AKAP13: variants seen among roughly 807,000 people sequenced by gnomAD.
AKAP13 encodes A-kinase anchor protein 13.
Under a neutral mutation model 264.5 loss-of-function variants are expected in AKAP13, and 80 were observed. The observed-to-expected ratio is 0.30, with a 90% confidence interval of 0.25 to 0.36. AKAP13 has a LOEUF of 0.36. AKAP13 is among the 10% of genes least tolerant of loss of function. The pLI is 1.00. For missense variants in AKAP13, 3,712 were observed against 3,435.2 expected (o/e 1.08, Z -2.01); for synonymous variants, 1,380 against 1,250.2 (o/e 1.10, Z -2.19).
At chr15:85,553,191 A>G (rs2078025918) in intron 5 of AKAP13, among the ~76,000 whole-genome samples, 2 of 151,432 alleles carry the variant, frequency 1.3e-5, no homozygotes, top group South Asian at 4.2e-4. Flanking sequence ...GATGCAAACA[A>G]TTCTCCTGCC....
intron 4 of AKAP13, among the ~76,000 whole-genome samples, chr15:85,539,937 A>G (rs55844965): frequency 0.045 from 6,903 of 152,252 alleles, 506 homozygotes; most frequent in African/African-American, 0.16. Context: ...GATATTTCCC[A>G]TTTGCCCTTT....
intron 8 of AKAP13, among the ~76,000 whole-genome samples, chr15:85,587,123 T>G (rs992814894): frequency 6.6e-6 from 1 of 152,154 alleles, no homozygotes; most frequent in African/African-American, 2.4e-5. Context: ...ACATTATCAC[T>G]CTAAGAAGAA....
chr15:85,680,198 A>C (rs541734747), intron 14 of AKAP13, among the ~76,000 whole-genome samples: 1 of 152,272 alleles, frequency 6.6e-6, no homozygotes, highest in Non-Finnish European at 1.5e-5. Context: ...TAATTGCTTA[A>C]ATGTATAGTA....
rs765913514 is a variant in AKAP13 at position 85,735,542 on chromosome 15, A to C, written c.7442-18A>C. On this transcript the variant is annotated intron_variant, in intron 31 of 36. Transcript: ENST00000394518. Reference sequence around the variant, plus strand: ...TTTCACAACTTTAAAAAAAAAAACAACCCTATTTTTTGTTTAGGAGGCGAG... The same window carrying C: ...TTTCACAACTTTAAAAAAAAAAACACCCCTATTTTTTGTTTAGGAGGCGAG... 1.5e-4 allele frequency: 241 copies of C among 1,598,746 alleles called. 1 individual carries two copies. Among genetic ancestry groups the C allele is most frequent in the South Asian group, 3.9e-4 (34 of 87,120 alleles).
At chr15:85,423,755 C>T (rs778942891) in intron 1 of AKAP13, among the ~76,000 whole-genome samples, 2 of 152,226 alleles carry the variant, frequency 1.3e-5, no homozygotes, top group East Asian at 3.8e-4. Flanking sequence ...TGCCCAGATT[C>T]ATCAGAGGAT....
chr15:85,460,298 T>A (rs1323962447), intron 1 of AKAP13, among the ~76,000 whole-genome samples: 1 of 152,222 alleles, frequency 6.6e-6, no homozygotes, highest in Non-Finnish European at 1.5e-5. Flanking sequence ...TGCATATGCA[T>A]TTGTACAGGC....
intron 2 of AKAP13, among the ~76,000 whole-genome samples, chr15:85,498,197 GA>G (rs2075928957): frequency 3.3e-5 from 1 of 30,048 alleles, no homozygotes; most frequent in Non-Finnish European, 6.8e-5. Context: ...TAAATGAAGT[GA>G]GATATATATA....
At chr15:85,637,158 T>A (rs2082102628) in intron 8 of AKAP13, among the ~76,000 whole-genome samples, 1 of 152,224 alleles carries the variant, frequency 6.6e-6, no homozygotes, top group Non-Finnish European at 1.5e-5. Context: ...AATGCTAGGC[T>A]CATAAAATGA....
At chr15:85,442,566 A>G (rs1446834801) in intron 1 of AKAP13, among the ~76,000 whole-genome samples, 3 of 136,346 alleles carry the variant, frequency 2.2e-5, no homozygotes, top group African/African-American at 8.5e-5. Flanking sequence ...TTCTAGCATG[A>G]GAATGATGAA....
intron 1 of AKAP13, among the ~76,000 whole-genome samples, chr15:85,409,429 C>T (rs186134295): frequency 4.0e-4 from 60 of 151,726 alleles, no homozygotes; most frequent in Admixed American, 3.7e-3. Flanking sequence ...CTGCCTGCCT[C>T]GGCCTCCCAA....
intron 5 of AKAP13, among the ~76,000 whole-genome samples, chr15:85,549,685 C>T (rs1043693633): frequency 1.3e-5 from 2 of 152,110 alleles, no homozygotes; most frequent in Admixed American, 6.6e-5. Flanking sequence ...CATATTCTTC[C>T]CTCTACAAAA....
rs1268787667 is a variant in AKAP13, at chr15:85,746,189, A to T, written c.*1512A>T. ...AAGAAAAATCTGTAACTTGGTGCTT[A>T]TTGATGAATTGCAAGCTGGCCTTGC... On this transcript the variant is annotated 3_prime_UTR_variant, in exon 37 of 37. Transcript: ENST00000394518. 1 of 152,654 alleles carries T rather than the reference A, an allele frequency of 6.6e-6. No individual in the cohort carries two copies. The highest frequency in any genetic ancestry group is 6.5e-5 in the Admixed American group (1 of 15,284). The allele number at this position is 152,654 out of a possible 1,614,324, so 9.5% of individuals were successfully genotyped here. A position where few individuals can be genotyped will look rare whatever the true frequency, so the allele number is the denominator to read the frequency against.
intron 12 of AKAP13, among the ~76,000 whole-genome samples, chr15:85,659,390 T>G (rs367962053): frequency 6.6e-6 from 1 of 152,172 alleles, no homozygotes; most frequent in Non-Finnish European, 1.5e-5. Flanking sequence ...TGAACCTGTT[T>G]GTTGGCAAGT....
At chr15:85,499,220 G>C (rs147747943) in intron 2 of AKAP13, among the ~76,000 whole-genome samples, 25 of 152,152 alleles carry the variant, frequency 1.6e-4, no homozygotes, top group Non-Finnish European at 3.7e-4. Flanking sequence ...CAAATACAGG[G>C]TTGGGTATCT....
rs182971389 is a variant in AKAP13, at chr15:85,689,773, T to G, written c.5290-3504T>G. On this transcript the variant is annotated intron_variant, in intron 16 of 36. Coordinates refer to ENST00000394518, the MANE Select transcript of AKAP13 (RefSeq NM_007200.5). The stretch of plus-strand genomic sequence containing the variant: ...CTTAAGCACTGTCCACACACACTGT[T>G]TTTGGGGGGAGTGAGGTCTCGTTTC... 12 of 152,376 alleles carry G rather than the reference T, an allele frequency of 7.9e-5. No homozygotes were observed. In the East Asian group the frequency reaches 2.1e-3, roughly 27 times the overall value. 9.4% of individuals were successfully genotyped at this position (152,376 alleles called of 1,614,324 possible). A position where few individuals can be genotyped will look rare whatever the true frequency, so the allele number is the denominator to read the frequency against.
intron 1 of AKAP13, among the ~76,000 whole-genome samples, chr15:85,431,994 A>T (rs2073043022): frequency 6.6e-6 from 1 of 152,206 alleles, no homozygotes; most frequent in South Asian, 2.1e-4. Flanking sequence ...TATGAAAAAG[A>T]TGCCTAATTT....
In AKAP13 at chr15:85,438,247, A is replaced by G. The variant is rs1166558186; in HGVS notation, c.-11-47463A>G. Among the ~76,000 whole-genome samples the G allele has an allele frequency of 4.5e-5, 6 of 133,952 alleles. 2 individuals are homozygous for G. The highest frequency in any genetic ancestry group is 1.9e-4 in the African/African-American group (6 of 31,784). The allele number at this position is 133,952 out of a possible 152,430, so 87.9% of individuals were successfully genotyped here. A position where few individuals can be genotyped will look rare whatever the true frequency, so the allele number is the denominator to read the frequency against. ...TTCAAAGAGAATAAAATACCTAGGA[A>G]TCCAACTTAAAAGGGATGTGAAGGA... On this transcript the variant is annotated intron_variant, in intron 1 of 36. Transcript: ENST00000394518.
intron 14 of AKAP13, among the ~76,000 whole-genome samples, chr15:85,672,297 CT>C (rs760874820): frequency 6.6e-6 from 1 of 152,240 alleles, no homozygotes; most frequent in East Asian, 1.9e-4. Flanking sequence ...ACCCATCAAC[CT>C]TAATGTCACT....
At chr15:85,522,516 G>A (rs2076858725) in intron 3 of AKAP13, among the ~76,000 whole-genome samples, 1 of 152,088 alleles carries the variant, frequency 6.6e-6, no homozygotes, top group African/African-American at 2.4e-5. Context: ...CTTAAATTAG[G>A]ATGGGCAGCA....
Sources: gnomAD v4.1 joint callset for allele counts (sites outside exome capture counted in the v4.1 genomes callset) on GRCh38, gnomAD v4.1.1 for gene constraint, MANE v1.5 for transcripts, NCBI Gene and HGNC (gene_info 2026-07-23, HGNC 2026-07-21) for gene names.